Variants in CREB5 observed in about 807,000 individuals in gnomAD.
CREB5 encodes the protein cyclic AMP-responsive element-binding protein 5.
CREB5 carries 19 observed loss-of-function variants against 57.1 expected under a neutral mutation model. The observed-to-expected ratio is 0.33, with a 90% CI of 0.23 to 0.49. The LOEUF is 0.49. CREB5 is among the 20% of genes least tolerant of loss of function. CREB5 has a pLI of 0.99. For missense variants in CREB5, 579 were observed against 671.6 expected (o/e 0.86, Z 1.52); for synonymous variants, 238 against 238.3 (o/e 1.00, Z 0.01).
chr7:28,708,746 C>A (rs1380888601), intron 5 of CREB5, among the ~76,000 whole-genome samples: 1 of 152,226 alleles, frequency 6.6e-6, no homozygotes, highest in African/African-American at 2.4e-5. Flanking sequence ...TTAAAATACA[C>A]TAACTGACAA....
At chr7:28,380,505 AAC>A (rs558172803) in intron 1 of CREB5, among the ~76,000 whole-genome samples, 44 of 152,234 alleles carry the variant, frequency 2.9e-4, no homozygotes, top group Non-Finnish European at 5.9e-4. Context: ...TGGGCATTAA[AAC>A]ACAAGTTTTA....
chr7:28,526,081 G>T (rs1793437231), intron 4 of CREB5, among the ~76,000 whole-genome samples: 1 of 152,200 alleles, frequency 6.6e-6, no homozygotes, highest in African/African-American at 2.4e-5. Context: ...TGGATTTTAG[G>T]TGGTGGTTGT....
chr7:28,438,617 A>G (rs1789055258), intron 1 of CREB5, among the ~76,000 whole-genome samples: 1 of 152,180 alleles, frequency 6.6e-6, no homozygotes, highest in African/African-American at 2.4e-5. Context: ...GAAAGTTGCC[A>G]TTTTACTTGA....
chr7:28,744,809 A>T (rs1243335472), intron 7 of CREB5, among the ~76,000 whole-genome samples: 1 of 152,270 alleles, frequency 6.6e-6, no homozygotes, highest in Non-Finnish European at 1.5e-5. Context: ...TTAAAATCTT[A>T]AACAAAATCC....
intron 1 of CREB5, among the ~76,000 whole-genome samples, chr7:28,388,844 T>C (rs1331976615): frequency 6.6e-6 from 1 of 152,244 alleles, no homozygotes; most frequent in Non-Finnish European, 1.5e-5. Context: ...TCCCAAATTA[T>C]GATAACTTGC....
At chr7:28,700,850 C>G (rs898802394) in intron 5 of CREB5, among the ~76,000 whole-genome samples, 1 of 151,886 alleles carries the variant, frequency 6.6e-6, no homozygotes, top group African/African-American at 2.4e-5. Context: ...GATAGAGTTA[C>G]GATGCTGCCC....
intron 3 of CREB5, among the ~76,000 whole-genome samples, chr7:28,498,380 C>A (rs217497): frequency 0.073 from 11,102 of 152,232 alleles, 578 homozygotes; most frequent in Non-Finnish European, 0.099. Context: ...ATTTGTATGA[C>A]AAACTTCAGA....
intron 4 of CREB5, among the ~76,000 whole-genome samples, chr7:28,526,948 A>C (rs1171999013): frequency 6.6e-6 from 1 of 152,230 alleles, no homozygotes; most frequent in Non-Finnish European, 1.5e-5. Context: ...ATCCTGTGAC[A>C]GCAGGTGCTG....
At chr7:28,522,185 G>A (rs560409303) in intron 4 of CREB5, among the ~76,000 whole-genome samples, 34 of 152,256 alleles carry the variant, frequency 2.2e-4, no homozygotes, top group African/African-American at 7.7e-4. Context: ...GTTGCAGATT[G>A]AGTATATAGG....
At chr7:28,770,669 A>T (rs4140852) in intron 7 of CREB5, among the ~76,000 whole-genome samples, 102,450 of 152,094 alleles carry the variant, frequency 0.67, 34,889 homozygotes, top group East Asian at 0.83. Flanking sequence ...TGGTTTTTGA[A>T]GTGGGTGGTC....
chr7:28,383,219 G>A (rs556724344), intron 1 of CREB5, among the ~76,000 whole-genome samples: 2 of 152,216 alleles, frequency 1.3e-5, no homozygotes, highest in East Asian at 3.9e-4. Context: ...GAGAAAGATG[G>A]GATGCAGAGA....
intron 4 of CREB5, among the ~76,000 whole-genome samples, chr7:28,546,039 C>G (rs541857221): frequency 6.6e-6 from 1 of 152,212 alleles, no homozygotes; most frequent in East Asian, 1.9e-4. Flanking sequence ...CCATAGGCAT[C>G]ACTCCCCGTC....
chr7:28,555,578 G>A (rs769083170), intron 4 of CREB5, among the ~76,000 whole-genome samples: 9 of 152,072 alleles, frequency 5.9e-5, no homozygotes, highest in Non-Finnish European at 8.8e-5. Flanking sequence ...TCTGAAAAAC[G>A]TATTTCTTTA....
chr7:28,648,648 G>A (rs1295364437), intron 5 of CREB5, among the ~76,000 whole-genome samples: 1 of 152,038 alleles, frequency 6.6e-6, no homozygotes, highest in Non-Finnish European at 1.5e-5. Flanking sequence ...AGGCTGAGGT[G>A]GGAGGATTGT....
chr7:28,717,112 G>A (rs1412499934), intron 5 of CREB5, among the ~76,000 whole-genome samples: 1 of 92,972 alleles, frequency 1.1e-5, no homozygotes, highest in Admixed American at 1.3e-4. Context: ...TTTTGAGATG[G>A]AATCTCGCTT....
At chr7:28,721,733 A>T (rs1803042486) in intron 6 of CREB5, among the ~76,000 whole-genome samples, 1 of 152,180 alleles carries the variant, frequency 6.6e-6, no homozygotes, top group South Asian at 2.1e-4. Flanking sequence ...GGTGCTGGGG[A>T]CAAGATGAAG....
intron 1 of CREB5, among the ~76,000 whole-genome samples, chr7:28,402,597 G>C (rs1236353051): frequency 6.6e-6 from 1 of 152,156 alleles, no homozygotes; most frequent in African/African-American, 2.4e-5. Context: ...TTAATAAATG[G>C]TGCTGGGAAA....
intron 5 of CREB5, among the ~76,000 whole-genome samples, chr7:28,706,426 C>G (rs1802110390): frequency 6.6e-6 from 1 of 151,950 alleles, no homozygotes; most frequent in Admixed American, 6.6e-5. Context: ...TTGTATGTAG[C>G]AGGTGTATTT....
intron 6 of CREB5, among the ~76,000 whole-genome samples, chr7:28,720,269 C>G (rs1802952955): frequency 6.6e-6 from 1 of 152,318 alleles, no homozygotes; most frequent in South Asian, 2.1e-4. Flanking sequence ...CTCCCCACAA[C>G]AATATTAACA....
Sources: allele counts gnomAD v4.1 joint callset (sites outside exome capture counted in the v4.1 genomes callset), GRCh38; gene constraint gnomAD v4.1.1; transcripts MANE v1.5; gene names NCBI Gene and HGNC (gene_info 2026-07-23, HGNC 2026-07-21).